The following SCN2A variants were observed in gnomAD, a reference collection of about 807,000 sequenced individuals.
SCN2A encodes the protein sodium voltage-gated channel alpha subunit 2, also known as sodium channel protein type 2 subunit alpha.
A neutral mutation model predicts 188.7 loss-of-function variants in SCN2A; 20 were observed. The observed-to-expected ratio is 0.11, with a 90% CI of 0.07 to 0.15. The LOEUF (loss-of-function observed/expected upper bound fraction) is 0.15. Among genes scored for constraint, SCN2A ranks in the 10% least tolerant of loss-of-function variants. The pLI is 1.00. For missense variants in SCN2A, 1,278 were observed against 2,445.0 expected (o/e 0.52, Z 10.07); for synonymous variants, 804 against 833.1 (o/e 0.97, Z 0.60).
intron 12 of SCN2A, 54 bp from the exon 13 acceptor site, chr2:165,326,798 G>A: frequency 6.2e-7 from 1 of 1,603,854 alleles, no homozygotes; most frequent in Non-Finnish European, 8.5e-7. Context: ...GGAATGCTTT[G>A]GGCTTTGCTG....
At chr2:165,316,611 G>A (rs1353417850) in intron 11 of SCN2A, among the ~76,000 whole-genome samples, 1 of 152,098 alleles carries the variant, frequency 6.6e-6, no homozygotes, top group Non-Finnish European at 1.5e-5. Context: ...ACACTGTGTT[G>A]TTATTTGCAA....
At chr2:165,248,615 CT>C (rs780008191) in intron 1 of SCN2A, among the ~76,000 whole-genome samples, 2 of 152,064 alleles carry the variant, frequency 1.3e-5, no homozygotes, top group Non-Finnish European at 2.9e-5. Flanking sequence ...ATTTGCTTTG[CT>C]TTGTTCTTTT....
At chr2:165,348,373 A>AG (rs1247503085) in intron 16 of SCN2A, among the ~76,000 whole-genome samples, 1 of 151,940 alleles carries the variant, frequency 6.6e-6, no homozygotes, top group African/African-American at 2.4e-5. Flanking sequence ...AAAAAAAAAA[A>AG]AAAGCATATA....
intron 25 of SCN2A, among the ~76,000 whole-genome samples, chr2:165,386,051 AAAT>A (rs921484239): frequency 2.2e-4 from 34 of 152,318 alleles, no homozygotes; most frequent in East Asian, 1.2e-3. Flanking sequence ...ACAATATACA[AAAT>A]TTTCTTCCAA....
chr2:165,285,235 T>A (rs1019434368), intron 1 of SCN2A: 2 of 153,240 alleles, frequency 1.3e-5, no homozygotes, highest in African/African-American at 4.8e-5. Flanking sequence ...CAGTAGACTG[T>A]TCCACCAGGA....
In SCN2A at chr2:165,291,496, T is replaced by TTTCTTTCCG. The variant is rs1553563621; in HGVS notation, c.-51-4270_-51-4269insCGTTCTTTC. Among the ~76,000 whole-genome samples the TTTCTTTCCG allele has an allele frequency of 3.8e-3, 98 of 26,120 alleles. 9 individuals are homozygous for TTTCTTTCCG. Among genetic ancestry groups the TTTCTTTCCG allele is most frequent in the Non-Finnish European group, 7.1e-3 (79 of 11,204 alleles). The allele number at this position is 26,120 out of a possible 152,430, so 17.1% of individuals were successfully genotyped here. On this transcript the variant is annotated intron_variant, in intron 1 of 26. Coordinates refer to ENST00000375437, the MANE Select transcript of SCN2A (RefSeq NM_001040142.2). ...TTTCTTTCTTTCTTTCTTTCTTTTC[T>TTTCTTTCCG]TTCTTTCTTTCTTTCTTCCTCTCCT...
At chr2:165,249,111 G>A (rs772016921) in intron 1 of SCN2A, among the ~76,000 whole-genome samples, 1 of 152,004 alleles carries the variant, frequency 6.6e-6, no homozygotes, top group Non-Finnish European at 1.5e-5. Context: ...TTGTTTGCTT[G>A]TTCATCTTCT....
chr2:165,346,055 G>T (rs1435647606), intron 16 of SCN2A, among the ~76,000 whole-genome samples: 1 of 152,138 alleles, frequency 6.6e-6, no homozygotes. Flanking sequence ...CTTCTGGCTT[G>T]TAGGGTTTCT....
chr2:165,325,447 A>G (rs1359850669), intron 12 of SCN2A, among the ~76,000 whole-genome samples: 1 of 152,210 alleles, frequency 6.6e-6, no homozygotes, highest in East Asian at 1.9e-4. Flanking sequence ...TGACAATAGA[A>G]AATAAATAGC....
intron 11 of SCN2A, 136 bp from the exon 12 acceptor site, chr2:165,323,020 G>C (rs1698153087): frequency 1.2e-6 from 1 of 816,780 alleles, no homozygotes; most frequent in South Asian, 1.8e-5. Context: ...TCAGAGGGGT[G>C]CTTTCTTCCA....
intron 16 of SCN2A, among the ~76,000 whole-genome samples, chr2:165,349,723 T>G (rs1299303255): frequency 1.3e-5 from 2 of 152,204 alleles, no homozygotes; most frequent in African/African-American, 4.8e-5. Context: ...TAAAATAACT[T>G]CTTTGTCTTG....
intron 1 of SCN2A, chr2:165,294,040 A>AAAAACATT: frequency 1.6e-6 from 1 of 629,758 alleles, no homozygotes; most frequent in Non-Finnish European, 1.9e-6. Context: ...AAAAAAAAAG[A>AAAAACATT]TTTTTTTTTT....
chr2:165,329,402 C>G (rs1017046279), intron 13 of SCN2A, among the ~76,000 whole-genome samples: 3 of 152,148 alleles, frequency 2.0e-5, no homozygotes, highest in African/African-American at 7.2e-5. Flanking sequence ...ATGTGGATAA[C>G]CCATGCAGGA....
chr2:165,279,623 T>A (rs1695497904), intron 1 of SCN2A, among the ~76,000 whole-genome samples: 1 of 152,144 alleles, frequency 6.6e-6, no homozygotes, highest in African/African-American at 2.4e-5. Flanking sequence ...GATTATCTGT[T>A]TAGAGTAACC....
chr2:165,318,553 G>A lies in SCN2A; in HGVS notation c.1671+2795G>A, dbSNP rs116956620. Reference sequence around the variant, plus strand: ...GTCAGCAAAAGAAGTTGATGCTAACGGATGGGGCACAATCATTTCTCATAT... The same window carrying A: ...GTCAGCAAAAGAAGTTGATGCTAACAGATGGGGCACAATCATTTCTCATAT... On this transcript the variant is annotated intron_variant, in intron 11 of 26. Coordinates refer to ENST00000375437, the MANE Select transcript of SCN2A (RefSeq NM_001040142.2). Among the ~76,000 whole-genome samples the A allele has an allele frequency of 3.9e-3, 595 of 152,280 alleles. 6 individuals are homozygous for A. In the East Asian group the frequency reaches 0.048, roughly 12 times the overall value.
In SCN2A at chr2:165,389,621, G is replaced by A; in HGVS notation, c.5815G>A (p.Glu1939Lys). 6.2e-7 allele frequency: 1 copy of A among 1,613,938 alleles called. No homozygotes were observed. Among genetic ancestry groups the A allele is most frequent in the South Asian group, 1.1e-5 (1 of 91,074 alleles). Residue 1939 changes from glutamate to lysine, a missense_variant, in exon 27 of 27, where the codon GAA becomes AAA. Around this residue, in one of 17 missense-constraint regions of SCN2A, gnomAD observed 109 missense variants for 137.9 expected, o/e 0.79. Transcript: ENST00000375437. The surrounding 1 kb of genome is among the most constrained non-coding windows in gnomAD (Gnocchi z 4.2). ...SSIYKKDKGK[E>K]CDGTPIKEDT... ...TATATACAAGAAAGACAAAGGCAAA[G>A]AATGTGATGGAACACCCATCAAAGA... is the stretch of plus-strand genomic sequence containing the variant.
intron 1 of SCN2A, among the ~76,000 whole-genome samples, chr2:165,275,788 G>T (rs1293217821): frequency 6.6e-6 from 1 of 151,942 alleles, no homozygotes; most frequent in Non-Finnish European, 1.5e-5. Flanking sequence ...AGGCTGGAGT[G>T]CAGTGGTGTG....
chr2:165,326,270 G>T (rs984258212), intron 12 of SCN2A, among the ~76,000 whole-genome samples: 1 of 152,084 alleles, frequency 6.6e-6, no homozygotes, highest in Admixed American at 6.6e-5. Context: ...TTGTTTTGTG[G>T]ATTAAGTTGT....
At chr2:165,257,359 C>T (rs1466731547) in intron 1 of SCN2A, among the ~76,000 whole-genome samples, 3 of 152,166 alleles carry the variant, frequency 2.0e-5, no homozygotes, top group African/African-American at 7.2e-5. Flanking sequence ...GGGTTCAGTT[C>T]CACACCACCA....
Sources: allele counts gnomAD v4.1 joint callset (sites outside exome capture counted in the v4.1 genomes callset), GRCh38; gene constraint gnomAD v4.1.1; regional missense constraint gnomAD v4.1.1; non-coding constraint Gnocchi (gnomAD v3.1); transcripts MANE v1.5; gene names NCBI Gene and HGNC (gene_info 2026-07-23, HGNC 2026-07-21).